Variants in IFT74 observed in about 807,000 individuals in gnomAD.
The protein encoded by IFT74 is intraflagellar transport 74, also known as intraflagellar transport protein 74 homolog.
In IFT74, 92 loss-of-function variants were observed where a neutral mutation model predicts 96.7. The ratio of observed to expected loss-of-function variants is 0.95; its 90% confidence interval spans 0.80 to 1.13. IFT74 has a LOEUF of 1.13. Among genes scored for constraint, IFT74 ranks in the 50% most tolerant of loss-of-function variants. The pLI is 0.00. For missense variants in IFT74, 811 were observed against 698.2 expected, an observed-to-expected ratio of 1.16 and a Z score of -1.82; for synonymous variants, 223 against 213.2, an observed-to-expected ratio of 1.05 and a Z score of -0.40.
chr9:27,039,173 G>A (rs901192073), intron 13 of IFT74, among the ~76,000 whole-genome samples: 1 of 152,096 alleles, frequency 6.6e-6, no homozygotes, highest in Non-Finnish European at 1.5e-5. Context: ...AGAGAAAAGC[G>A]ACAGTTTATG....
At chr9:27,037,553 CA>C (rs1307945986) in intron 13 of IFT74, among the ~76,000 whole-genome samples, 1 of 152,184 alleles carries the variant, frequency 6.6e-6, no homozygotes, top group East Asian at 1.9e-4. Flanking sequence ...AGCAAGTCTT[CA>C]GTTGTGTTGA....
rs544955694 is a variant in IFT74 at position 27,059,291 on chromosome 9, C to T, written c.1624-1300C>T. On this transcript the variant is annotated intron_variant, in intron 18 of 19. Transcript: ENST00000380062. ...CTTCTTGAAAACTGGCTTTTGGCAT[C>T]TCTAAAGAATTTTATGTAACAGATT... Among the ~76,000 whole-genome samples the T allele has an allele frequency of 3.9e-5, 6 of 152,264 alleles. No homozygotes were observed. The East Asian group carries it at 1.2e-3, about 29-fold the overall frequency.
intron 8 of IFT74, among the ~76,000 whole-genome samples, chr9:27,002,961 T>C (rs750474170): frequency 2.0e-5 from 3 of 152,202 alleles, no homozygotes; most frequent in Non-Finnish European, 4.4e-5. Context: ...CTTCAGTTTC[T>C]TTCATCAGTG....
At chr9:26,986,715 TG>T (rs1201711039) in intron 6 of IFT74, among the ~76,000 whole-genome samples, 2 of 152,286 alleles carry the variant, frequency 1.3e-5, no homozygotes, top group Non-Finnish European at 2.9e-5. Flanking sequence ...CTCAAACTCC[TG>T]GGCACAAGTG....
chr9:26,995,408 G>T, intron 8 of IFT74: 1 of 643,038 alleles, frequency 1.6e-6, no homozygotes, highest in Non-Finnish European at 2.7e-6. Context: ...CATGTATGTT[G>T]TCATTAATAT....
chr9:26,996,570 A>T lies in IFT74; in HGVS notation c.587+6375A>T, dbSNP rs1014760683. 9 of 1,102,644 alleles carry T rather than the reference A, an allele frequency of 8.2e-6. No homozygotes were observed. The East Asian group carries it at 2.8e-4, about 34-fold the overall frequency. 68.3% of individuals were successfully genotyped at this position (1,102,644 alleles called of 1,614,324 possible). ...GTTAACAACATTTTATAATTGTTTTATCTAGAATTTTTGACATATTTGTCA... is the reference window on the plus strand; with the variant it reads ...GTTAACAACATTTTATAATTGTTTTTTCTAGAATTTTTGACATATTTGTCA... On this transcript the variant is annotated intron_variant, in intron 8 of 19. Coordinates refer to ENST00000380062, the MANE Select transcript of IFT74 (RefSeq NM_025103.4).
chr9:26,948,448 A>ATTATTATTTTTTTTTT (rs1825819541), intron 1 of IFT74, among the ~76,000 whole-genome samples: 11 of 59,162 alleles, frequency 1.9e-4, no homozygotes, highest in East Asian at 5.9e-4. Context: ...GCTTTCCATT[A>ATTATTATTTTTTTTTT]TTTTTTTTTT....
chr9:26,947,723 T>A (rs1397822046), intron 1 of IFT74, among the ~76,000 whole-genome samples: 1 of 152,222 alleles, frequency 6.6e-6, no homozygotes, highest in African/African-American at 2.4e-5. Context: ...CTATTAATCA[T>A]TGAACTATTC....
chr9:27,009,106 A>G lies in IFT74; in HGVS notation c.674A>G (p.Glu225Gly), dbSNP rs1210786711. Residue 225 changes from glutamate (E) to glycine (G), a missense_variant, in exon 9 of 20, where the codon GAA (glutamate) becomes GGA (glycine). Glu to Gly is a moderately conservative substitution (Grantham distance 98). Transcript: ENST00000380062. ...TDDIIKNMSFENQVKYLEMKT... is the reference protein window; with the variant it reads ...TDDIIKNMSFGNQVKYLEMKT... Reference sequence around the variant, plus strand: ...GACATTATCAAAAATATGTCTTTTGAAAACCAAGTCAAGTACCTAGAGATG... The same window carrying G: ...GACATTATCAAAAATATGTCTTTTGGAAACCAAGTCAAGTACCTAGAGATG... The G allele has an allele frequency of 6.2e-7, 1 of 1,613,386 alleles. No homozygotes were observed. The highest frequency in any genetic ancestry group is 8.5e-7 in the Non-Finnish European group (1 of 1,179,488).
At chr9:26,947,133 A>G in exon 1 of IFT74, 4 of 1,380,924 alleles carry the variant, frequency 2.9e-6, no homozygotes, top group Non-Finnish European at 2.8e-6. Flanking sequence ...CCGCGGCGGG[A>G]GAAGAGCCTG....
At chr9:27,061,771 T>G (rs1353073023) in intron 19 of IFT74, among the ~76,000 whole-genome samples, 5 of 151,588 alleles carry the variant, frequency 3.3e-5, no homozygotes, top group Admixed American at 3.3e-4. Flanking sequence ...CAAAGGGAGG[T>G]AAACTAAGTA....
chr9:27,029,531 G>A (rs997497738), intron 13 of IFT74, among the ~76,000 whole-genome samples: 16 of 151,890 alleles, frequency 1.1e-4, no homozygotes, highest in South Asian at 6.2e-4. Context: ...GCAGATCATC[G>A]GAGGTCGGGA....
intron 1 of IFT74, among the ~76,000 whole-genome samples, chr9:26,959,705 A>G (rs1043403680): frequency 6.6e-6 from 1 of 152,176 alleles, no homozygotes; most frequent in Admixed American, 6.5e-5. Flanking sequence ...CCCAAAGGTG[A>G]TGGAGTTCAA....
chr9:27,029,787 C>G (rs1022631189), intron 13 of IFT74, among the ~76,000 whole-genome samples: 3 of 152,062 alleles, frequency 2.0e-5, no homozygotes, highest in Non-Finnish European at 4.4e-5. Flanking sequence ...ATAATATAGT[C>G]AACTACTAAT....
intron 8 of IFT74, among the ~76,000 whole-genome samples, chr9:27,004,817 A>C (rs1398271194): frequency 1.3e-5 from 2 of 152,174 alleles, no homozygotes; most frequent in Non-Finnish European, 2.9e-5. Context: ...TCACAAAATT[A>C]CGTGCATTTT....
chr9:27,037,961 G>A (rs187005092), intron 13 of IFT74, among the ~76,000 whole-genome samples: 9 of 152,320 alleles, frequency 5.9e-5, no homozygotes, highest in African/African-American at 2.2e-4. Context: ...TCTTGCCTAA[G>A]GCAAGTACTA....
At chr9:27,036,492 G>A (rs1275212298) in intron 13 of IFT74, 1 of 1,613,682 alleles carries the variant, frequency 6.2e-7, no homozygotes, top group Non-Finnish European at 8.5e-7. Flanking sequence ...AAAAATACAG[G>A]AAGTTTCAAA....
intron 13 of IFT74, among the ~76,000 whole-genome samples, chr9:27,041,986 C>G (rs1819499770): frequency 6.6e-6 from 1 of 152,164 alleles, no homozygotes; most frequent in African/African-American, 2.4e-5. Context: ...CCAGCTCAAT[C>G]TGTTGGCAAC....
intron 2 of IFT74, among the ~76,000 whole-genome samples, chr9:26,967,333 G>A (rs1175783380): frequency 6.6e-6 from 1 of 151,602 alleles, no homozygotes; most frequent in African/African-American, 2.4e-5. Context: ...TAATTCCTAG[G>A]TATTTTATTT....
Sources: gnomAD v4.1 joint callset for allele counts (sites outside exome capture counted in the v4.1 genomes callset) on GRCh38, gnomAD v4.1.1 for gene constraint, MANE v1.5 for transcripts, NCBI Gene and HGNC (gene_info 2026-07-23, HGNC 2026-07-21) for gene names.